The following PPP1R3A variants were observed in gnomAD, a reference collection of about 807,000 sequenced individuals.
The protein encoded by PPP1R3A is RG1.
In PPP1R3A, 29 loss-of-function variants were observed where a neutral mutation model predicts 41.7. The ratio of observed to expected loss-of-function variants is 0.70; its 90% CI spans 0.52 to 0.95. The LOEUF (loss-of-function observed/expected upper bound fraction) is 0.95. Among genes scored for constraint, PPP1R3A ranks in the 40% least tolerant of loss-of-function variants. The probability of loss-of-function intolerance (pLI) is 0.00; values close to 1 mark genes in which losing one functional copy is unlikely to be tolerated. For missense variants in PPP1R3A, 1,352 were observed against 1,292.4 expected, an observed-to-expected ratio of 1.05 and a Z score of -0.71; for synonymous variants, 485 against 453.4, an observed-to-expected ratio of 1.07 and a Z score of -0.89.
intron 1 of PPP1R3A, 90 bp downstream of exon 1, chr7:113,918,125 A>G (rs1797370225): frequency 7.8e-7 from 1 of 1,285,204 alleles, no homozygotes; most frequent in Admixed American, 2.3e-5. Context: ...ATATTTTTAA[A>G]TAGAGTCACT....
chr7:113,914,442 C>G (rs151275159), intron 1 of PPP1R3A, among the ~76,000 whole-genome samples: 1 of 152,164 alleles, frequency 6.6e-6, no homozygotes, highest in East Asian at 1.9e-4. Context: ...AAGTTCTCTT[C>G]CAGCTTTAAG....
rs569193083 is a variant in PPP1R3A at position 113,904,768 on chromosome 7, A to T, written c.782+13447T>A. On this transcript the variant is annotated intron_variant, in intron 1 of 3. Transcript: ENST00000284601. ...AATTTATTTCTTCAGGAGTCACTGT[A>T]CAGAAAATTATATTCTATTGTACTA... is the stretch of plus-strand genomic sequence containing the variant. Among the ~76,000 whole-genome samples, 243 of 151,882 alleles carry T rather than the reference A, an allele frequency of 1.6e-3. 2 individuals carry two copies. Among genetic ancestry groups the T allele is most frequent in the Admixed American group, 3.4e-3 (51 of 15,198 alleles).
chr7:113,917,958 T>C (rs1223290012), intron 1 of PPP1R3A, among the ~76,000 whole-genome samples: 1 of 152,128 alleles, frequency 6.6e-6, no homozygotes, highest in African/African-American at 2.4e-5. Flanking sequence ...TTATAACTCA[T>C]TAGGCAAGTA....
chr7:113,890,246 T>C (rs1193852227), intron 1 of PPP1R3A, among the ~76,000 whole-genome samples: 1 of 152,140 alleles, frequency 6.6e-6, no homozygotes. Context: ...ACAGACCTCC[T>C]ATGTGAAAAT....
At chr7:113,906,765 A>G (rs1797155657) in intron 1 of PPP1R3A, among the ~76,000 whole-genome samples, 1 of 151,844 alleles carries the variant, frequency 6.6e-6, no homozygotes, top group Non-Finnish European at 1.5e-5. Flanking sequence ...TGTTGGTCAC[A>G]TGGGGACTAA....
rs539550513 is a variant in PPP1R3A, at chr7:113,918,872, C to G, written c.125G>C (p.Ser42Thr). 1 of 1,613,800 alleles carries G rather than the reference C, an allele frequency of 6.2e-7. No individual in the cohort carries two copies. Among genetic ancestry groups the G allele is most frequent in the Non-Finnish European group, 8.5e-7 (1 of 1,179,778 alleles). Reference sequence around the variant, plus strand: ...TTCAGAAGAATCAGAACCTCGTCTACTTGGTTGAGGGGAGAAACCAGGTTG... The same window carrying G: ...TTCAGAAGAATCAGAACCTCGTCTAGTTGGTTGAGGGGAGAAACCAGGTTG... Reference protein sequence around the residue: ...TFQPGFSPQPSRRGSDSSEDI... With the variant: ...TFQPGFSPQPTRRGSDSSEDI... The change falls in exon 1 of 4, where the codon AGT (serine) becomes ACT (threonine). Residue 42 changes from serine (S) to threonine (T), a missense_variant. By Grantham distance (58) the Ser-to-Thr change is moderately conservative. Transcript: ENST00000284601.
intron 1 of PPP1R3A, among the ~76,000 whole-genome samples, chr7:113,909,084 T>C (rs1276189112): frequency 2.0e-5 from 3 of 151,894 alleles, no homozygotes; most frequent in Non-Finnish European, 4.4e-5. Flanking sequence ...CCCAGCCTTA[T>C]GCAATAAACC....
rs1223993058 is a variant in PPP1R3A at position 113,918,208 on chromosome 7, T to TC, written c.782+6dup. Reference sequence around the variant, plus strand: ...TGAATAATAAAATATGTAAGATATATCCTCACCTTGATTTTACCTTTAAGC... The same window carrying TC: ...TGAATAATAAAATATGTAAGATATATCCCTCACCTTGATTTTACCTTTAAGC... On this transcript the variant is annotated splice_region_variant and intron_variant, in intron 1 of 3. Coordinates refer to ENST00000284601, the MANE Select transcript of PPP1R3A (RefSeq NM_002711.4). 14 of 1,592,538 alleles carry TC rather than the reference T, an allele frequency of 8.8e-6. No individual in the cohort carries two copies. The highest frequency in any genetic ancestry group is 1.4e-5 in the African/African-American group (1 of 73,560).
chr7:113,911,104 T>G (rs900795672), intron 1 of PPP1R3A, among the ~76,000 whole-genome samples: 1 of 152,066 alleles, frequency 6.6e-6, no homozygotes, highest in Non-Finnish European at 1.5e-5. Flanking sequence ...ATTTTAGAAT[T>G]TCCTACGACA....
intron 1 of PPP1R3A, among the ~76,000 whole-genome samples, chr7:113,915,650 A>G (rs1474740805): frequency 6.7e-6 from 1 of 150,318 alleles, no homozygotes; most frequent in Non-Finnish European, 1.5e-5. Flanking sequence ...TTCTGTTTTT[A>G]CCTTCTGAAA....
Position 113,892,262 on chromosome 7 carries a change from A to ATT in PPP1R3A, c.783-9944_783-9943dup, listed in dbSNP as rs539471874. Among the ~76,000 whole-genome samples, 78 of 152,164 alleles carry ATT rather than the reference A, an allele frequency of 5.1e-4. 1 individual carries two copies. The South Asian group carries it at 0.016, about 32-fold the overall frequency. On this transcript the variant is annotated intron_variant, in intron 1 of 3. Transcript: ENST00000284601. ...ATCAGAAATATGAGCCTCCTTTGAG[A>ATT]TTTTTTAAAAAGTCACTCAAGAGTA... is the stretch of plus-strand genomic sequence containing the variant.
chr7:113,883,618 G>T (rs933048260), intron 1 of PPP1R3A, among the ~76,000 whole-genome samples: 2 of 151,836 alleles, frequency 1.3e-5, no homozygotes, highest in Admixed American at 1.3e-4. Flanking sequence ...GCTTAATGAG[G>T]TCAAAAATTA....
In PPP1R3A at chr7:113,908,574, T is replaced by C. The variant is rs77969231; in HGVS notation, c.782+9641A>G. On this transcript the variant is annotated intron_variant, in intron 1 of 3. Transcript: ENST00000284601. ...TATTCAAATAATTTCTGCTTGTAGA[T>C]ACAATATTAACCTTTTTAAAACAAA... Among the ~76,000 whole-genome samples, 535 of 152,102 alleles carry C rather than the reference T, an allele frequency of 3.5e-3. 2 individuals are homozygous for C. The highest frequency in any genetic ancestry group is 0.012 in the African/African-American group (508 of 41,538).
Position 113,918,982 on chromosome 7 carries a change from T to C in PPP1R3A, c.15A>G (p.Glu5=). 6.2e-7 allele frequency: 1 copy of C among 1,612,386 alleles called. No individual in the cohort carries two copies. The highest frequency in any genetic ancestry group is 1.3e-5 in the African/African-American group (1 of 74,990). MEPS[E]VPSQISKDNF... is the part of the protein sequence containing the mutation. ...TATCTTTGCTAATCTGACTAGGTAC[T>C]TCAGAAGGCTCCATTGGGCTCTCTG... Residue 5 remains glutamate, a synonymous_variant, in exon 1 of 4, where the codon GAA becomes GAG. Transcript: ENST00000284601.
chr7:113,915,516 G>GA (rs976986453), intron 1 of PPP1R3A, among the ~76,000 whole-genome samples: 2 of 147,924 alleles, frequency 1.4e-5, no homozygotes, highest in Admixed American at 1.4e-4. Flanking sequence ...CAGGTATAAA[G>GA]AAAAAATCAT....
intron 1 of PPP1R3A, among the ~76,000 whole-genome samples, chr7:113,917,092 T>G (rs1181296386): frequency 6.6e-6 from 1 of 152,120 alleles, no homozygotes; most frequent in Non-Finnish European, 1.5e-5. Flanking sequence ...TTAAAAAAAT[T>G]TCCCAATATC....
At chr7:113,888,479 C>A (rs573718367) in intron 1 of PPP1R3A, among the ~76,000 whole-genome samples, 1 of 152,294 alleles carries the variant, frequency 6.6e-6, no homozygotes, top group South Asian at 2.1e-4. Context: ...ATGCCCTTCT[C>A]TACCCAACCT....
At chr7:113,911,680 T>A (rs1347209443) in intron 1 of PPP1R3A, among the ~76,000 whole-genome samples, 1 of 152,106 alleles carries the variant, frequency 6.6e-6, no homozygotes, top group Non-Finnish European at 1.5e-5. Flanking sequence ...CATTTACCCA[T>A]AGAAGCAATG....
chr7:113,895,542 A>G (rs187549499), intron 1 of PPP1R3A, among the ~76,000 whole-genome samples: 2 of 152,024 alleles, frequency 1.3e-5, no homozygotes, highest in Admixed American at 1.3e-4. Flanking sequence ...TATTTACTCT[A>G]TGTTTTTGTT....
Sources: allele counts gnomAD v4.1 joint callset (sites outside exome capture counted in the v4.1 genomes callset), GRCh38; gene constraint gnomAD v4.1.1; transcripts MANE v1.5; gene names NCBI Gene and HGNC (gene_info 2026-07-23, HGNC 2026-07-21).